The following P2RY8 variants were observed in gnomAD, a reference collection of about 807,000 sequenced individuals.
P2RY8 encodes S-geranylgeranyl-glutathione receptor P2RY8.
A neutral mutation model predicts 10.0 loss-of-function variants in P2RY8; 6 were observed. The ratio of observed to expected loss-of-function variants is 0.60; its 90% CI spans 0.33 to 1.19. P2RY8 has a LOEUF of 1.19. Ranked by LOEUF, P2RY8 falls within the 50% of genes most tolerant of loss-of-function variation. The probability of loss-of-function intolerance (pLI) is 0.04; values close to 1 mark genes in which losing one functional copy is unlikely to be tolerated. For missense variants in P2RY8, 456 were observed against 542.0 expected (o/e 0.84, Z 1.58); for synonymous variants, 276 against 252.5 (o/e 1.09, Z -0.88).
intron 1 of P2RY8, among the ~76,000 whole-genome samples, chrX:1,509,994 A>G (rs1308367044): frequency 6.6e-6 from 1 of 151,778 alleles, no homozygotes; most frequent in East Asian, 1.9e-4. Flanking sequence ...TCATCTATGT[A>G]TCTATGTATC....
chrX:1,482,294 A>G (rs1218226383), intron 1 of P2RY8, among the ~76,000 whole-genome samples: 14 of 74,056 alleles, frequency 1.9e-4, no homozygotes, highest in Non-Finnish European at 3.2e-4. Flanking sequence ...CCATTTGGTG[A>G]AAAAAAAAAA....
intron 1 of P2RY8, among the ~76,000 whole-genome samples, chrX:1,509,751 G>GTCTATCTATCTA (rs1307366915): frequency 0.022 from 1,689 of 78,310 alleles, 230 homozygotes; most frequent in African/African-American, 0.069. Context: ...GTATCTATCT[G>GTCTATCTATCTA]TCTATCTATC....
chrX:1,505,143 A>AC (rs2092220334), intron 1 of P2RY8, among the ~76,000 whole-genome samples: 1 of 151,038 alleles, frequency 6.6e-6, no homozygotes, highest in South Asian at 2.1e-4. Context: ...GTCTCAAAAA[A>AC]AAAAAAAAAA....
chrX:1,532,340 A>G (rs1227862487), intron 1 of P2RY8, among the ~76,000 whole-genome samples: 1 of 150,322 alleles, frequency 6.7e-6, no homozygotes, highest in Non-Finnish European at 1.5e-5. Context: ...ATACACATAT[A>G]TGTATATGAT....
At chrX:1,495,130 A>G (rs1467439747) in intron 1 of P2RY8, among the ~76,000 whole-genome samples, 1 of 152,138 alleles carries the variant, frequency 6.6e-6, no homozygotes, top group African/African-American at 2.4e-5. Context: ...ACTGTTCGGA[A>G]CTGAATTGAA....
At position 1,465,031 on chromosome X, in the gene P2RY8, A is replaced by G; in HGVS notation, c.*448T>C. The stretch of plus-strand genomic sequence containing the variant: ...TGGGAATGGGGCTCGCAGTTCGCCC[A>G]CGGAGGATATCCAGAAACCGAGTCG... On this transcript the variant is annotated 3_prime_UTR_variant, in exon 2 of 2. Coordinates refer to ENST00000381297, the MANE Select transcript of P2RY8 (RefSeq NM_178129.5). 1 of 257,868 alleles carries G rather than the reference A, an allele frequency of 3.9e-6. No individual in the cohort carries two copies. Among genetic ancestry groups the G allele is most frequent in the South Asian group, 1.3e-4 (1 of 7,694 alleles). The allele number at this position is 257,868 out of a possible 1,614,324, so 16.0% of individuals were successfully genotyped here.
At chrX:1,511,258 C>G (rs760667271) in intron 1 of P2RY8, among the ~76,000 whole-genome samples, 1 of 152,302 alleles carries the variant, frequency 6.6e-6, no homozygotes, top group Admixed American at 6.5e-5. Flanking sequence ...GGTTAAAAGT[C>G]TCTACCCCCA....
At chrX:1,511,023 C>CA (rs1213095037) in intron 1 of P2RY8, among the ~76,000 whole-genome samples, 15 of 151,088 alleles carry the variant, frequency 9.9e-5, no homozygotes, top group African/African-American at 2.9e-4. Flanking sequence ...CTAAAAAATA[C>CA]AAAAAAATTA....
intron 1 of P2RY8, among the ~76,000 whole-genome samples, chrX:1,469,074 C>CCCTCT (rs1364309170): frequency 1.5e-4 from 1 of 6,732 alleles, no homozygotes. Context: ...CTTCCCTCTC[C>CCCTCT]CCTTCCCTCT....
At chrX:1,532,572 A>C (rs1372748422) in intron 1 of P2RY8, among the ~76,000 whole-genome samples, 1 of 151,944 alleles carries the variant, frequency 6.6e-6, no homozygotes, top group Non-Finnish European at 1.5e-5. Context: ...CAGTCATGAA[A>C]AAGAATAGCA....
Position 1,513,270 on chromosome X carries a change from T to C in P2RY8, c.-25+23651A>G, listed in dbSNP as rs1394178780. On this transcript the variant is annotated intron_variant, in intron 1 of 1. Coordinates refer to ENST00000381297, the MANE Select transcript of P2RY8 (RefSeq NM_178129.5). ...ACTTTTTTTTTTATCCAGTCTATCA[T>C]TGATGGGCATTTGGATTGGTCCCAA... Among the ~76,000 whole-genome samples, 108 of 151,672 alleles carry C rather than the reference T, an allele frequency of 7.1e-4. 1 individual carries two copies. Among genetic ancestry groups the C allele is most frequent in the Non-Finnish European group, 3.7e-4 (25 of 68,008 alleles).
intron 1 of P2RY8, among the ~76,000 whole-genome samples, chrX:1,483,905 C>T (rs1304843504): frequency 6.6e-6 from 1 of 151,866 alleles, no homozygotes; most frequent in Non-Finnish European, 1.5e-5. Context: ...CTCCTAAACC[C>T]AAACCTGAGC....
chrX:1,527,576 A>G (rs2092447212), intron 1 of P2RY8, among the ~76,000 whole-genome samples: 1 of 151,646 alleles, frequency 6.6e-6, no homozygotes, highest in South Asian at 2.1e-4. Context: ...TTCCTTATTC[A>G]TCCACCTATC....
chrX:1,496,612 G>A (rs1241098817), intron 1 of P2RY8, among the ~76,000 whole-genome samples: 1 of 151,980 alleles, frequency 6.6e-6, no homozygotes, highest in East Asian at 1.9e-4. Flanking sequence ...CATTCAGTCA[G>A]CCGCGGCTTC....
chrX:1,482,092 C>T (rs1204066272), intron 1 of P2RY8, among the ~76,000 whole-genome samples: 1 of 152,052 alleles, frequency 6.6e-6, no homozygotes, highest in Non-Finnish European at 1.5e-5. Context: ...GGCTTCATCG[C>T]TGGCCAGAGA....
At chrX:1,508,016 C>T (rs188661847) in intron 1 of P2RY8, among the ~76,000 whole-genome samples, 12 of 152,236 alleles carry the variant, frequency 7.9e-5, no homozygotes, top group African/African-American at 7.2e-5. Flanking sequence ...TCTTTCACCC[C>T]GTATGGCGTG....
intron 1 of P2RY8, among the ~76,000 whole-genome samples, chrX:1,493,546 G>T (rs2092087681): frequency 6.6e-6 from 1 of 152,072 alleles, no homozygotes; most frequent in African/African-American, 2.4e-5. Flanking sequence ...CTCAGTCGAC[G>T]TGAACTATTT....
chrX:1,469,957 G>A (rs1350527189), intron 1 of P2RY8, among the ~76,000 whole-genome samples: 6 of 152,010 alleles, frequency 3.9e-5, no homozygotes, highest in East Asian at 1.9e-4. Context: ...CGTGAGTTAC[G>A]TACCATAAGC....
At chrX:1,507,639 C>T (rs2092247116) in intron 1 of P2RY8, among the ~76,000 whole-genome samples, 1 of 152,126 alleles carries the variant, frequency 6.6e-6, no homozygotes, top group South Asian at 2.1e-4. Flanking sequence ...GGCGGAGTCC[C>T]CACGTGCCGG....
Sources: gnomAD v4.1 joint callset for allele counts (sites outside exome capture counted in the v4.1 genomes callset) on GRCh38, gnomAD v4.1.1 for gene constraint, MANE v1.5 for transcripts, NCBI Gene and HGNC (gene_info 2026-07-23, HGNC 2026-07-21) for gene names.